Variants in MEGF10 observed in about 807,000 individuals in gnomAD.
MEGF10 encodes the protein multiple EGF like domains 10, also known as multiple epidermal growth factor-like domains protein 10.
A neutral mutation model predicts 147.5 loss-of-function variants in MEGF10; 86 were observed. That is an observed-to-expected ratio of 0.58 (90% CI 0.49 to 0.70). The LOEUF (loss-of-function observed/expected upper bound fraction) is 0.70, where lower values mean the gene tolerates loss of function less well. Ranked by LOEUF, MEGF10 falls within the 30% of genes least tolerant of loss-of-function variation. The probability of loss-of-function intolerance (pLI) is 0.00; values close to 1 mark genes in which losing one functional copy is unlikely to be tolerated. For synonymous variants in MEGF10, 478 were observed against 525.5 expected, an observed-to-expected ratio of 0.91 and a Z score of 1.24; for missense variants, 1,329 against 1,487.3, an observed-to-expected ratio of 0.89 and a Z score of 1.75.
At chr5:127,454,750 C>T in intron 23 of MEGF10, 140 bp downstream of exon 23, 1 of 680,284 alleles carries the variant, frequency 1.5e-6, no homozygotes, top group South Asian at 2.2e-5. Flanking sequence ...ACAGCAAACA[C>T]ACAAACATGT....
At chr5:127,255,900 T>G in the MEGF10 span, among the ~76,000 whole-genome samples, 1 of 152,198 alleles carries the variant, frequency 6.6e-6, no homozygotes, top group Non-Finnish European at 1.5e-5. Context: ...TTTACAACCT[T>G]GTTTGTGGGG....
upstream of MEGF10, among the ~76,000 whole-genome samples, chr5:127,287,547 T>C: frequency 6.6e-6 from 1 of 152,002 alleles, no homozygotes; most frequent in East Asian, 1.9e-4. Context: ...AATACTGCCA[T>C]GTTCAAAGCT....
At chr5:127,265,172 G>T in the MEGF10 span, among the ~76,000 whole-genome samples, 3 of 152,036 alleles carry the variant, frequency 2.0e-5, no homozygotes, top group Non-Finnish European at 4.4e-5. Context: ...GCAGTGTTTG[G>T]TTTTTTGTTC....
chr5:127,279,422 A>C, the MEGF10 span, among the ~76,000 whole-genome samples: 1 of 152,120 alleles, frequency 6.6e-6, no homozygotes, highest in Non-Finnish European at 1.5e-5. Flanking sequence ...GGAAGAAAGG[A>C]GATCCTGGAA....
intron 1 of MEGF10, among the ~76,000 whole-genome samples, chr5:127,327,270 G>A (rs1441269601): frequency 6.6e-6 from 1 of 152,048 alleles, no homozygotes; most frequent in Non-Finnish European, 1.5e-5. Context: ...GGCACTAGGG[G>A]GTTCATGCAA....
intron 2 of MEGF10, among the ~76,000 whole-genome samples, chr5:127,333,426 C>T (rs1052007226): frequency 1.3e-5 from 2 of 151,790 alleles, no homozygotes; most frequent in Non-Finnish European, 2.9e-5. Context: ...GCACAAGAAT[C>T]ACTTGAACTC....
At chr5:127,416,494 A>G (rs1338612815) in intron 9 of MEGF10, among the ~76,000 whole-genome samples, 1 of 152,172 alleles carries the variant, frequency 6.6e-6, no homozygotes, top group African/African-American at 2.4e-5. Flanking sequence ...ACCTACACTC[A>G]AGAAACCACC....
intron 22 of MEGF10, among the ~76,000 whole-genome samples, chr5:127,450,156 A>G (rs1580886526): frequency 6.6e-6 from 1 of 151,972 alleles, no homozygotes; most frequent in South Asian, 2.1e-4. Context: ...CTTCTGAAAA[A>G]CTCCACTGTA....
At chr5:127,403,083 AT>A (rs962827014) in intron 8 of MEGF10, among the ~76,000 whole-genome samples, 3 of 152,144 alleles carry the variant, frequency 2.0e-5, no homozygotes, top group Non-Finnish European at 4.4e-5. Flanking sequence ...ATGATTCAGT[AT>A]TCTGTTAAGA....
intron 5 of MEGF10, among the ~76,000 whole-genome samples, chr5:127,395,105 G>A (rs1763850607): frequency 6.6e-6 from 1 of 152,072 alleles, no homozygotes; most frequent in African/African-American, 2.4e-5. Flanking sequence ...TTTATTTTGA[G>A]CTCTAGGCAG....
chr5:127,328,748 TG>T (rs1305457857), intron 1 of MEGF10, among the ~76,000 whole-genome samples: 1 of 151,614 alleles, frequency 6.6e-6, no homozygotes, highest in Non-Finnish European at 1.5e-5. Flanking sequence ...TAATTGTTTA[TG>T]AGTAGGTTAC....
chr5:127,402,431 C>T, intron 7 of MEGF10, 115 bp from the exon 8 acceptor site: 1 of 1,134,772 alleles, frequency 8.8e-7, no homozygotes, highest in South Asian at 1.7e-5. Flanking sequence ...ATCTAATTTT[C>T]TTGCAGCCCT....
At chr5:127,328,232 G>T (rs749309753) in intron 1 of MEGF10, among the ~76,000 whole-genome samples, 1 of 152,096 alleles carries the variant, frequency 6.6e-6, no homozygotes, top group Non-Finnish European at 1.5e-5. Context: ...ATGTGAATTT[G>T]CATGATCCTT....
At chr5:127,408,890 A>G (rs1359856610) in intron 8 of MEGF10, among the ~76,000 whole-genome samples, 1 of 152,164 alleles carries the variant, frequency 6.6e-6, no homozygotes, top group East Asian at 1.9e-4. Context: ...CAGCCTGGGT[A>G]ACATAGCAAG....
chr5:127,370,030 T>A (rs372522407), intron 5 of MEGF10, 28 bp downstream of exon 5: 2 of 1,590,676 alleles, frequency 1.3e-6, no homozygotes, highest in African/African-American at 2.7e-5. Context: ...GTTGTCTGTC[T>A]CGGGATGTTT....
the MEGF10 span, among the ~76,000 whole-genome samples, chr5:127,263,329 A>C: frequency 6.6e-6 from 1 of 151,328 alleles, no homozygotes; most frequent in East Asian, 2.0e-4. Flanking sequence ...AAAATTATAG[A>C]TAAGAAGCTA....
intron 18 of MEGF10, among the ~76,000 whole-genome samples, chr5:127,441,654 A>G (rs1041312038): frequency 2.0e-5 from 3 of 152,208 alleles, no homozygotes; most frequent in Non-Finnish European, 2.9e-5. Context: ...CTTTCTTATG[A>G]TAAAACCTTT....
chr5:127,376,890 A>C (rs1022930830), intron 5 of MEGF10, among the ~76,000 whole-genome samples: 1 of 152,186 alleles, frequency 6.6e-6, no homozygotes, highest in African/African-American at 2.4e-5. Context: ...AGTAACTTTA[A>C]TCACCGTGGT....
intron 7 of MEGF10, among the ~76,000 whole-genome samples, chr5:127,401,365 C>T (rs1455797896): frequency 1.3e-5 from 2 of 152,190 alleles, no homozygotes; most frequent in African/African-American, 4.8e-5. Context: ...TTCGAATCAT[C>T]TCTCAAAGGC....
Sources: gnomAD v4.1 joint callset for allele counts (sites outside exome capture counted in the v4.1 genomes callset) on GRCh38, gnomAD v4.1.1 for gene constraint, MANE v1.5 for transcripts, NCBI Gene and HGNC (gene_info 2026-07-23, HGNC 2026-07-21) for gene names.